AFAP1L1: variants seen among roughly 807,000 people sequenced by gnomAD.
AFAP1L1 encodes the protein actin filament-associated protein 1-like 1.
A neutral mutation model predicts 99.8 loss-of-function variants in AFAP1L1; 77 were observed. That is an observed-to-expected ratio of 0.77 (90% confidence interval 0.64 to 0.93). AFAP1L1 has a LOEUF of 0.93. Among genes scored for constraint, AFAP1L1 ranks in the 40% least tolerant of loss-of-function variants. AFAP1L1 has a pLI of 0.00. For synonymous variants in AFAP1L1, 373 were observed against 395.3 expected (o/e 0.94, Z 0.67); for missense variants, 893 against 996.8 (o/e 0.90, Z 1.40).
At chr5:149,289,817 C>G (rs1460118054) in intron 1 of AFAP1L1, among the ~76,000 whole-genome samples, 1 of 152,180 alleles carries the variant, frequency 6.6e-6, no homozygotes, top group African/African-American at 2.4e-5. Context: ...GAGCTGGACA[C>G]AGACAGAAAA....
At chr5:149,303,310 G>T (rs1393193013) in intron 5 of AFAP1L1, among the ~76,000 whole-genome samples, 1 of 152,168 alleles carries the variant, frequency 6.6e-6, no homozygotes, top group Non-Finnish European at 1.5e-5. Context: ...CCTTAAACTG[G>T]CCATAAAGGA....
At chr5:149,281,027 C>A (rs911419912) in intron 1 of AFAP1L1, among the ~76,000 whole-genome samples, 7 of 152,198 alleles carry the variant, frequency 4.6e-5, no homozygotes, top group African/African-American at 1.7e-4. Context: ...CACCAGTTAT[C>A]TTCATTTCAG....
chr5:149,337,051 A>G lies in AFAP1L1; in HGVS notation c.2283+1329A>G, dbSNP rs114320996. ...AAATGTGGAGACTGATGAGTTTTCAAGGAACAATCTCTTTTTTAAATATGA... is the reference window on the plus strand; with the variant it reads ...AAATGTGGAGACTGATGAGTTTTCAGGGAACAATCTCTTTTTTAAATATGA... On this transcript the variant is annotated intron_variant, in intron 18 of 18. Transcript: ENST00000296721. 4.5e-3 allele frequency among the ~76,000 whole-genome samples: 692 copies of G among 152,338 alleles called. 3 individuals are homozygous for G. The highest frequency in any genetic ancestry group is 0.016 in the African/African-American group (656 of 41,574).
At chr5:149,313,231 T>C (rs984194255) in intron 9 of AFAP1L1, among the ~76,000 whole-genome samples, 2 of 151,910 alleles carry the variant, frequency 1.3e-5, no homozygotes, top group Non-Finnish European at 2.9e-5. Context: ...TACCTACACA[T>C]TGCCAGGTAT....
At chr5:149,332,413 TGA>T (rs1757281930) in intron 16 of AFAP1L1, among the ~76,000 whole-genome samples, 2 of 151,330 alleles carry the variant, frequency 1.3e-5, no homozygotes, top group Admixed American at 1.3e-4. Flanking sequence ...AAAGACAGAA[TGA>T]GAGGGGGAAG....
chr5:149,336,509 T>C (rs1169821758), intron 18 of AFAP1L1, among the ~76,000 whole-genome samples: 2 of 152,192 alleles, frequency 1.3e-5, no homozygotes, highest in African/African-American at 2.4e-5. Flanking sequence ...AGAAACAGAA[T>C]GTATTTCTTA....
chr5:149,308,222 CTT>C (rs1204650273), intron 7 of AFAP1L1, among the ~76,000 whole-genome samples: 1 of 152,126 alleles, frequency 6.6e-6, no homozygotes, highest in Non-Finnish European at 1.5e-5. Flanking sequence ...TTTTTAATCA[CTT>C]TTAAATTTTT....
chr5:149,300,206 A>C (rs1756152604), intron 2 of AFAP1L1, 65 bp from the exon 3 acceptor site: 1 of 1,179,026 alleles, frequency 8.5e-7, no homozygotes, highest in African/African-American at 1.5e-5. Context: ...TAGAAGTATG[A>C]GTGGGACGGG....
intron 15 of AFAP1L1, among the ~76,000 whole-genome samples, chr5:149,324,085 A>G (rs374404334): frequency 1.4e-4 from 21 of 152,384 alleles, no homozygotes; most frequent in African/African-American, 4.8e-4. Flanking sequence ...CTTGAAGGGC[A>G]GTGGGAAACC....
rs114321421 is a variant in AFAP1L1 at position 149,336,013 on chromosome 5, C to A, written c.2283+291C>A. On this transcript the variant is annotated intron_variant, in intron 18 of 18. Transcript: ENST00000296721. Reference sequence around the variant, plus strand: ...TTTCATTGATGAGGTAACTGAAAATCGAGGACGATGGGACTTGCCCAGGGC... The same window carrying A: ...TTTCATTGATGAGGTAACTGAAAATAGAGGACGATGGGACTTGCCCAGGGC... Among the ~76,000 whole-genome samples, 1,200 of 152,280 alleles carry A rather than the reference C, an allele frequency of 7.9e-3. 13 individuals carry two copies. Among genetic ancestry groups the A allele is most frequent in the African/African-American group, 0.027 (1,139 of 41,558 alleles).
At chr5:149,307,698 C>A in intron 7 of AFAP1L1, 85 bp downstream of exon 7, 1 of 1,402,970 alleles carries the variant, frequency 7.1e-7, no homozygotes, top group Admixed American at 2.0e-5. Context: ...GATATGTCTG[C>A]CTTGGGCATA....
chr5:149,322,557 T>A, intron 14 of AFAP1L1, 49 bp from the exon 15 acceptor site: 1 of 1,377,168 alleles, frequency 7.3e-7, no homozygotes, highest in Middle Eastern at 1.8e-4. Flanking sequence ...CCTGCATTGA[T>A]GAGTCTGCGC....
chr5:149,295,662 G>A (rs1659091), intron 1 of AFAP1L1, among the ~76,000 whole-genome samples: 117,826 of 152,010 alleles, frequency 0.78, 46,987 homozygotes, highest in Non-Finnish European at 0.86. Context: ...AAGGGAGGGA[G>A]GAACAGATTT....
intron 1 of AFAP1L1, among the ~76,000 whole-genome samples, chr5:149,298,104 C>T (rs189798863): frequency 3.2e-3 from 493 of 152,298 alleles, no homozygotes; most frequent in African/African-American, 0.011. Flanking sequence ...AGGGCCTGTT[C>T]TCTTCTGCAA....
chr5:149,312,561 C>A (rs1002365463), intron 9 of AFAP1L1, among the ~76,000 whole-genome samples: 3 of 152,076 alleles, frequency 2.0e-5, no homozygotes, highest in African/African-American at 7.2e-5. Context: ...GTGGGCACAT[C>A]ACTTGAGCCC....
At chr5:149,302,969 G>A (rs1311662105) in intron 5 of AFAP1L1, among the ~76,000 whole-genome samples, 1 of 152,152 alleles carries the variant, frequency 6.6e-6, no homozygotes, top group African/African-American at 2.4e-5. Context: ...CTATAGGTGG[G>A]TTAGGTTATC....
At chr5:149,299,254 G>A (rs889444442) in intron 1 of AFAP1L1, among the ~76,000 whole-genome samples, 2 of 152,190 alleles carry the variant, frequency 1.3e-5, no homozygotes, top group Non-Finnish European at 2.9e-5. Flanking sequence ...GCCCAGGGAG[G>A]TCCAGTCCTT....
intron 1 of AFAP1L1, among the ~76,000 whole-genome samples, chr5:149,292,442 G>C (rs1414575298): frequency 6.6e-6 from 1 of 152,154 alleles, no homozygotes; most frequent in African/African-American, 2.4e-5. Context: ...ATGTGGGGAG[G>C]AGTGAGGAGA....
intron 8 of AFAP1L1, among the ~76,000 whole-genome samples, chr5:149,310,589 A>G (rs1756598053): frequency 6.6e-6 from 1 of 152,230 alleles, no homozygotes; most frequent in South Asian, 2.1e-4. Context: ...AGTCACCACA[A>G]AATGAGCACT....
Sources: gnomAD v4.1 joint callset for allele counts (sites outside exome capture counted in the v4.1 genomes callset) on GRCh38, gnomAD v4.1.1 for gene constraint, MANE v1.5 for transcripts, NCBI Gene and HGNC (gene_info 2026-07-23, HGNC 2026-07-21) for gene names.